TNFRSF19: variants seen among roughly 807,000 people sequenced by gnomAD.
The protein encoded by TNFRSF19 is tumor necrosis factor receptor superfamily member 19.
A neutral mutation model predicts 46.4 loss-of-function variants in TNFRSF19; 27 were observed. The ratio of observed to expected loss-of-function variants is 0.58; its 90% confidence interval spans 0.43 to 0.80. The LOEUF is 0.80. Ranked by LOEUF, TNFRSF19 falls within the 30% of genes least tolerant of loss-of-function variation. The probability of loss-of-function intolerance (pLI) is 0.00; values close to 1 mark genes in which losing one functional copy is unlikely to be tolerated. For missense variants in TNFRSF19, 511 were observed against 530.8 expected (o/e 0.96, Z 0.37); for synonymous variants, 204 against 205.0 (o/e 1.00, Z 0.04).
chr13:23,663,334 T>C (rs1446882792), intron 7 of TNFRSF19, among the ~76,000 whole-genome samples: 1 of 152,232 alleles, frequency 6.6e-6, no homozygotes, highest in Non-Finnish European at 1.5e-5. Flanking sequence ...TGTCTATATG[T>C]TGAACCAACC....
At chr13:23,671,755 G>T (rs367862381) in intron 9 of TNFRSF19, among the ~76,000 whole-genome samples, 1 of 152,216 alleles carries the variant, frequency 6.6e-6, no homozygotes, top group Non-Finnish European at 1.5e-5. Flanking sequence ...TTAGGCTGAG[G>T]CAGGAAGATG....
chr13:23,651,616 A>G (rs1883636305), intron 5 of TNFRSF19, among the ~76,000 whole-genome samples: 1 of 152,170 alleles, frequency 6.6e-6, no homozygotes, highest in African/African-American at 2.4e-5. Context: ...TACCACATAG[A>G]GCTTTAAAAT....
intron 9 of TNFRSF19, chr13:23,669,349 C>T (rs1236679427): frequency 1.6e-6 from 2 of 1,275,972 alleles, no homozygotes; most frequent in Non-Finnish European, 2.0e-6. Context: ...CCACTTAGCA[C>T]AGCACCTGCT....
intron 1 of TNFRSF19, among the ~76,000 whole-genome samples, chr13:23,581,222 T>C (rs1878404944): frequency 6.6e-6 from 1 of 151,422 alleles, no homozygotes; most frequent in African/African-American, 2.4e-5. Flanking sequence ...CTCTGCGCAC[T>C]GCAAGCTCCA....
At chr13:23,611,072 A>T (rs1442696549) in intron 3 of TNFRSF19, among the ~76,000 whole-genome samples, 1 of 152,036 alleles carries the variant, frequency 6.6e-6, no homozygotes, top group Non-Finnish European at 1.5e-5. Flanking sequence ...AAAGATGGAC[A>T]TACTCTGCCT....
At chr13:23,639,041 T>C (rs1431433836) in intron 5 of TNFRSF19, among the ~76,000 whole-genome samples, 2 of 152,196 alleles carry the variant, frequency 1.3e-5, no homozygotes, top group African/African-American at 4.8e-5. Context: ...TAATTTTTAT[T>C]TTCTTGATAG....
In TNFRSF19 at chr13:23,611,121, CAT is replaced by C. The variant is rs1379932247; in HGVS notation, c.181-4745_181-4744del. ...CCTCCCCTCACCAGACACACACACACATGTGCACACACACACACACACACACA... is the reference window on the plus strand; with the variant it reads ...CCTCCCCTCACCAGACACACACACACGTGCACACACACACACACACACACA... On this transcript the variant is annotated intron_variant, in intron 3 of 9. Transcript: ENST00000248484. Among the ~76,000 whole-genome samples the C allele has an allele frequency of 2.8e-3, 333 of 117,500 alleles. 1 individual carries two copies. Among genetic ancestry groups the C allele is most frequent in the African/African-American group, 0.011 (320 of 29,444 alleles). The allele number at this position is 117,500 out of a possible 152,430, so 77.1% of individuals were successfully genotyped here.
intron 9 of TNFRSF19, among the ~76,000 whole-genome samples, chr13:23,671,319 T>C (rs1156666599): frequency 2.0e-5 from 3 of 152,206 alleles, no homozygotes; most frequent in African/African-American, 7.2e-5. Context: ...AATAATTTAT[T>C]AATGAAAGGT....
At position 23,674,457 on chromosome 13, in the gene TNFRSF19, C is replaced by G. The variant is rs1304534664; in HGVS notation, c.*1077C>G. ...AGTTTGACCAGGACATTGTCGTGCT[C>G]CTTCCAATTGTGTAAGATTAGTTAG... On this transcript the variant is annotated 3_prime_UTR_variant, in exon 10 of 10. Coordinates refer to ENST00000248484, the MANE Select transcript of TNFRSF19 (RefSeq NM_148957.4). 1 of 152,276 alleles carries G rather than the reference C, an allele frequency of 6.6e-6. No homozygotes were observed. Among genetic ancestry groups the G allele is most frequent in the Non-Finnish European group, 1.5e-5 (1 of 68,016 alleles). The allele number at this position is 152,276 out of a possible 1,614,324, so 9.4% of individuals were successfully genotyped here.
chr13:23,604,014 A>T (rs184458847), intron 3 of TNFRSF19, among the ~76,000 whole-genome samples: 82 of 151,502 alleles, frequency 5.4e-4, no homozygotes, highest in African/African-American at 2.0e-3. Flanking sequence ...AAGACAAAAT[A>T]AAAAAAAAGA....
chr13:23,587,597 T>G (rs1566165621), intron 1 of TNFRSF19, among the ~76,000 whole-genome samples: 1 of 152,218 alleles, frequency 6.6e-6, no homozygotes, highest in Non-Finnish European at 1.5e-5. Flanking sequence ...GAGGTAGCCA[T>G]GCTGTCCTGA....
intron 3 of TNFRSF19, among the ~76,000 whole-genome samples, chr13:23,607,765 C>A (rs1435596547): frequency 6.6e-6 from 1 of 152,080 alleles, no homozygotes; most frequent in Non-Finnish European, 1.5e-5. Context: ...CTGACATTTT[C>A]TGTCCTCCAG....
chr13:23,590,713 TA>T, intron 2 of TNFRSF19, among the ~76,000 whole-genome samples: 1 of 152,364 alleles, frequency 6.6e-6, no homozygotes, highest in South Asian at 2.1e-4. Flanking sequence ...TGCATGTAAT[TA>T]ATAAGTGAAA....
chr13:23,629,476 A>G (rs577156751), intron 5 of TNFRSF19, among the ~76,000 whole-genome samples: 1 of 152,254 alleles, frequency 6.6e-6, no homozygotes, highest in East Asian at 1.9e-4. Context: ...TACCACGCCT[A>G]TCTGTGGCTG....
chr13:23,599,666 G>T (rs1009539938), intron 3 of TNFRSF19, among the ~76,000 whole-genome samples: 1 of 152,146 alleles, frequency 6.6e-6, no homozygotes, highest in Admixed American at 6.5e-5. Context: ...AATAGAAAGG[G>T]TTAAGATAAG....
chr13:23,622,733 C>CT (rs1228858038), intron 4 of TNFRSF19, among the ~76,000 whole-genome samples: 1 of 152,008 alleles, frequency 6.6e-6, no homozygotes, highest in African/African-American at 2.4e-5. Context: ...CATTTTTTAA[C>CT]TTTTTTTGCT....
chr13:23,602,142 G>A (rs956921331), intron 3 of TNFRSF19, among the ~76,000 whole-genome samples: 2 of 152,198 alleles, frequency 1.3e-5, no homozygotes, highest in South Asian at 4.1e-4. Context: ...CAAATATGAA[G>A]ACACACATAG....
rs2138432902 is a variant in TNFRSF19 at position 23,675,191 on chromosome 13, G to C, written c.*1811G>C. ...CCACACAATGGCTATGAAAATGCAAGTAGTTTCCTCGCGTGACCTCACCAT... is the reference window on the plus strand; with the variant it reads ...CCACACAATGGCTATGAAAATGCAACTAGTTTCCTCGCGTGACCTCACCAT... On this transcript the variant is annotated 3_prime_UTR_variant, in exon 10 of 10. Transcript: ENST00000248484. The C allele has an allele frequency of 6.6e-6, 1 of 152,334 alleles. No individual in the cohort carries two copies. The highest frequency in any genetic ancestry group is 2.4e-5 in the African/African-American group (1 of 41,586). 9.4% of individuals were successfully genotyped at this position (152,334 alleles called of 1,614,324 possible).
In TNFRSF19 at chr13:23,659,811, T is replaced by C. The variant is rs1884237930; in HGVS notation, c.611-554T>C. On this transcript the variant is annotated intron_variant, in intron 6 of 9. Transcript: ENST00000248484. The surrounding 1 kb of genome is among the most constrained non-coding windows in gnomAD (Gnocchi z 4.9). ...TGAGCCACTGCACCGGCCTATTATA[T>C]GTATTATGCCCTGTATTCTTACATT... 6.6e-6 allele frequency among the ~76,000 whole-genome samples: 1 copy of C among 152,190 alleles called. No homozygotes were observed. The highest frequency in any genetic ancestry group is 1.5e-5 in the Non-Finnish European group (1 of 68,040).
Sources: allele counts gnomAD v4.1 joint callset (sites outside exome capture counted in the v4.1 genomes callset), GRCh38; gene constraint gnomAD v4.1.1; non-coding constraint Gnocchi (gnomAD v3.1); transcripts MANE v1.5; gene names NCBI Gene and HGNC (gene_info 2026-07-23, HGNC 2026-07-21).